The following TMEM132E variants were observed in gnomAD, a reference collection of about 807,000 sequenced individuals.
TMEM132E encodes transmembrane protein 132E.
Under a neutral mutation model 78.5 loss-of-function variants are expected in TMEM132E, and 49 were observed. The observed-to-expected ratio is 0.62, with a 90% CI of 0.50 to 0.79. The LOEUF is 0.79. Ranked by LOEUF, TMEM132E falls within the 30% of genes least tolerant of loss-of-function variation. The pLI, the probability that TMEM132E is intolerant of heterozygous loss-of-function variation, is 0.00. For synonymous variants in TMEM132E, 715 were observed against 670.6 expected, an observed-to-expected ratio of 1.07 and a Z score of -1.02; for missense variants, 1,403 against 1,470.9, an observed-to-expected ratio of 0.95 and a Z score of 0.75.
At chr17:34,624,093 C>T (rs1907049191) in intron 1 of TMEM132E, among the ~76,000 whole-genome samples, 1 of 152,212 alleles carries the variant, frequency 6.6e-6, no homozygotes, top group African/African-American at 2.4e-5. Context: ...GGGCCTTTGT[C>T]ATGCCCCAAG....
At chr17:34,602,555 G>A (rs1307968231) in intron 1 of TMEM132E, among the ~76,000 whole-genome samples, 3 of 152,202 alleles carry the variant, frequency 2.0e-5, no homozygotes, top group Non-Finnish European at 4.4e-5. Context: ...TTCTTGACAG[G>A]TGAGAGCAGG....
At chr17:34,600,165 A>C (rs537324290) in intron 1 of TMEM132E, among the ~76,000 whole-genome samples, 10 of 152,356 alleles carry the variant, frequency 6.6e-5, no homozygotes, top group Admixed American at 2.0e-4. Context: ...AGAATCCAAG[A>C]TAATACTCTT....
rs1907242160 is a variant in TMEM132E, at chr17:34,628,705, C to A, written c.1141C>A (p.Pro381Thr). The part of the protein sequence containing the change: ...VAWAQSTPLP[P>T]REGQGPLEIL... ...CTGGGCTCAGAGCACACCCCTGCCC[C>A]CCAGGTGAGCCCGAGGTGGTGCATC... The change falls in exon 3 of 9, where the codon CCC (proline) becomes ACC (threonine). Residue 381 changes from proline to threonine, a missense_variant. Pro to Thr is a conservative substitution (Grantham distance 38). Around this residue, in one of 3 missense-constraint regions of TMEM132E, gnomAD observed 888 missense variants for 952.8 expected, o/e 0.93. Transcript: ENST00000631683. 6.3e-7 allele frequency: 1 copy of A among 1,590,440 alleles called. No individual in the cohort carries two copies. Among genetic ancestry groups the A allele is most frequent in the African/African-American group, 1.4e-5 (1 of 73,988 alleles).
In TMEM132E at chr17:34,626,731, G is replaced by T. The variant is rs1324122286; in HGVS notation, c.672G>T (p.Thr224=). 1.2e-4 allele frequency: 158 copies of T among 1,373,052 alleles called. No homozygotes were observed. In the East Asian group the frequency reaches 2.4e-3, roughly 21 times the overall value. The allele number at this position is 1,373,052 out of a possible 1,614,324, so 85.1% of individuals were successfully genotyped here. A position where few individuals can be genotyped will look rare whatever the true frequency, so the allele number is the denominator to read the frequency against. ...CGGACGGGCTGGAGCCCGAGGCGACGGGGGAGAGCCAGCAGGCCGAGCTCT... is the reference window on the plus strand; with the variant it reads ...CGGACGGGCTGGAGCCCGAGGCGACTGGGGAGAGCCAGCAGGCCGAGCTCT... The part of the protein sequence containing the change: ...KSPDGLEPEA[T]GESQQAELYY... The change falls in exon 2 of 9, where the codon ACG becomes ACT. Residue 224 remains threonine (T), a synonymous_variant. Transcript: ENST00000631683.
chr17:34,629,246 T>G lies in TMEM132E; in HGVS notation c.1338+42T>G, dbSNP rs199673550. 2.5e-6 allele frequency: 4 copies of G among 1,592,848 alleles called. No homozygotes were observed. In the East Asian group the frequency reaches 9.0e-5, roughly 36 times the overall value. ...CCAGCCCAGAAGATGCCTGGGTCTATGCATGTGTGCACATTTGTGTGACAA... is the reference window on the plus strand; with the variant it reads ...CCAGCCCAGAAGATGCCTGGGTCTAGGCATGTGTGCACATTTGTGTGACAA... On this transcript the variant is annotated intron_variant, in intron 4 of 8. Transcript: ENST00000631683.
At chr17:34,606,898 T>C (rs1005788825) in intron 1 of TMEM132E, among the ~76,000 whole-genome samples, 2 of 152,204 alleles carry the variant, frequency 1.3e-5, no homozygotes, top group Admixed American at 1.3e-4. Flanking sequence ...GCTCCTTTCC[T>C]GGCCTCCTTC....
intron 1 of TMEM132E, among the ~76,000 whole-genome samples, chr17:34,622,257 G>A (rs1906985555): frequency 6.6e-6 from 1 of 152,172 alleles, no homozygotes; most frequent in African/African-American, 2.4e-5. Flanking sequence ...AGGAGAAACT[G>A]AGGTCCAGAG....
chr17:34,579,710 A>C lies in TMEM132E; in HGVS notation c.-1367A>C, dbSNP rs1905392542. ...GCTCCTCGATTCTTCTTCTTCCCCC[A>C]CACACGTCCATGGGGAGCCGGCTCC... is the stretch of plus-strand genomic sequence containing the variant. On this transcript the variant is annotated 5_prime_UTR_variant, in exon 1 of 9. Transcript: ENST00000631683. The C allele has an allele frequency of 6.5e-6, 1 of 153,762 alleles. No homozygotes were observed. Among genetic ancestry groups the C allele is most frequent in the Non-Finnish European group, 1.4e-5 (1 of 69,416 alleles). 9.5% of individuals were successfully genotyped at this position (153,762 alleles called of 1,614,324 possible). A position where few individuals can be genotyped will look rare whatever the true frequency, so the allele number is the denominator to read the frequency against.
intron 1 of TMEM132E, among the ~76,000 whole-genome samples, chr17:34,616,521 C>A (rs139000824): frequency 2.0e-5 from 3 of 152,292 alleles, no homozygotes; most frequent in Middle Eastern, 3.4e-3. Context: ...CTGCTCCTAG[C>A]GCAGCCCAGG....
intron 2 of TMEM132E, among the ~76,000 whole-genome samples, chr17:34,627,297 T>C (rs1030002885): frequency 6.6e-6 from 1 of 152,204 alleles, no homozygotes; most frequent in Admixed American, 6.5e-5. Context: ...CTGGATCTCA[T>C]AGAAATGGCA....
chr17:34,637,298 C>T lies in TMEM132E; in HGVS notation c.2291C>T (p.Thr764Ile), dbSNP rs1229625121. The T allele has an allele frequency of 5.0e-6, 8 of 1,614,012 alleles. No homozygotes were observed. The highest frequency in any genetic ancestry group is 1.3e-5 in the African/African-American group (1 of 74,952). The change falls in exon 9 of 9, where the codon ACC becomes ATC. Residue 764 changes from threonine to isoleucine, a missense_variant. Coordinates refer to ENST00000631683, the MANE Select transcript of TMEM132E (RefSeq NM_001304438.2). ...SSLDEHVATV[T>I]QDRAFPLVVA... ...CTGGATGAGCATGTGGCCACTGTGA[C>T]CCAGGACCGGGCCTTCCCTCTGGTA...
chr17:34,614,730 G>A (rs1364321662), intron 1 of TMEM132E: 1 of 152,434 alleles, frequency 6.6e-6, no homozygotes, highest in East Asian at 1.9e-4. Context: ...CAAACTCCAA[G>A]CCCCTCTTGC....
Position 34,637,923 on chromosome 17 carries a change from C to T in TMEM132E, c.2916C>T (p.Ser972=). The T allele has an allele frequency of 6.2e-7, 1 of 1,606,096 alleles. No homozygotes were observed. The highest frequency in any genetic ancestry group is 8.5e-7 in the Non-Finnish European group (1 of 1,178,556). ...TCTGCCACGGCGACCACCACAGCAGCGGCAGCTCGCAGACCAGCGTCCAGA... is the reference window on the plus strand; with the variant it reads ...TCTGCCACGGCGACCACCACAGCAGTGGCAGCTCGCAGACCAGCGTCCAGA... ...PAFCHGDHHS[S]GSSQTSVQSQ... Residue 972 remains serine, a synonymous_variant, in exon 9 of 9, where the codon AGC becomes AGT. Transcript: ENST00000631683.
chr17:34,601,820 C>T (rs1597680168), intron 1 of TMEM132E, among the ~76,000 whole-genome samples: 1 of 152,224 alleles, frequency 6.6e-6, no homozygotes, highest in East Asian at 1.9e-4. Flanking sequence ...CCTTCCTCAA[C>T]CTTGTGACCC....
Position 34,626,755 on chromosome 17 carries a change from C to G in TMEM132E, c.696C>G (p.Leu232=), listed in dbSNP as rs1005391271. Residue 232 remains leucine, a synonymous_variant, in exon 2 of 9, where the codon CTC becomes CTG. Coordinates refer to ENST00000631683, the MANE Select transcript of TMEM132E (RefSeq NM_001304438.2). ...CGGGGGAGAGCCAGCAGGCCGAGCT[C>G]TACTACACGCTCCACGCCCCTGATG... is the stretch of plus-strand genomic sequence containing the variant. The part of the protein sequence containing the change: ...EATGESQQAE[L]YYTLHAPDAS... 4.2e-6 allele frequency: 6 copies of G among 1,429,276 alleles called. No individual in the cohort carries two copies. In the Admixed American group the frequency reaches 9.0e-5, roughly 22 times the overall value. 88.5% of individuals were successfully genotyped at this position (1,429,276 alleles called of 1,614,324 possible).
At chr17:34,617,208 G>A (rs1475216480) in intron 1 of TMEM132E, among the ~76,000 whole-genome samples, 2 of 152,240 alleles carry the variant, frequency 1.3e-5, no homozygotes, top group African/African-American at 4.8e-5. Flanking sequence ...CCCAAAGAAA[G>A]AAGCTGAGGC....
rs772995085 is a variant in TMEM132E, at chr17:34,638,258, C to CT, written c.*26_*27insT. 221 of 1,411,038 alleles carry CT rather than the reference C, an allele frequency of 1.6e-4. No individual in the cohort carries two copies. The highest frequency in any genetic ancestry group is 2.8e-4 in the Admixed American group (11 of 39,588). 87.4% of individuals were successfully genotyped at this position (1,411,038 alleles called of 1,614,324 possible). A position where few individuals can be genotyped will look rare whatever the true frequency, so the allele number is the denominator to read the frequency against. Reference sequence around the variant, plus strand: ...AGGCGCCAGCCGGAGTAGCAGGGACCCCCCCCCCCAACGGGGTCAGCTCGG... The same window carrying CT: ...AGGCGCCAGCCGGAGTAGCAGGGACCTCCCCCCCCCAACGGGGTCAGCTCGG... On this transcript the variant is annotated 3_prime_UTR_variant, in exon 9 of 9. Coordinates refer to ENST00000631683, the MANE Select transcript of TMEM132E (RefSeq NM_001304438.2).
At chr17:34,604,069 G>A (rs895816373) in intron 1 of TMEM132E, among the ~76,000 whole-genome samples, 1 of 152,184 alleles carries the variant, frequency 6.6e-6, no homozygotes, top group Non-Finnish European at 1.5e-5. Context: ...GCCTCTTCCT[G>A]AGTGCTGGGC....
rs199920260 is a variant in TMEM132E, at chr17:34,628,636, C to G, written c.1072C>G (p.Leu358Val). Residue 358 changes from leucine (L) to valine (V), a missense_variant, in exon 3 of 9, where the codon CTG (leucine) becomes GTG (valine). By Grantham distance (32) the Leu-to-Val change is conservative. Coordinates refer to ENST00000631683, the MANE Select transcript of TMEM132E (RefSeq NM_001304438.2). ...RSGQWHVTSE[L>V]LTGAKHSTAT... The stretch of plus-strand genomic sequence containing the variant: ...TGGCCAGTGGCATGTGACCTCGGAG[C>G]TGCTGACTGGGGCAAAGCACTCAAC... The G allele has an allele frequency of 3.1e-5, 50 of 1,613,628 alleles. No individual in the cohort carries two copies. Among genetic ancestry groups the G allele is most frequent in the Non-Finnish European group, 4.1e-5 (48 of 1,179,838 alleles).
Sources: allele counts gnomAD v4.1 joint callset (sites outside exome capture counted in the v4.1 genomes callset), GRCh38; gene constraint gnomAD v4.1.1; regional missense constraint gnomAD v4.1.1; transcripts MANE v1.5; gene names NCBI Gene and HGNC (gene_info 2026-07-23, HGNC 2026-07-21).